Variants in HOXB9 observed in about 807,000 individuals in gnomAD.
HOXB9 encodes the protein homeobox B9.
HOXB9 carries 10 observed loss-of-function variants against 21.5 expected under a neutral mutation model. That is an observed-to-expected ratio of 0.47 (90% CI 0.29 to 0.79). HOXB9 has a LOEUF of 0.79. HOXB9 is among the 30% of genes least tolerant of loss of function. The probability of loss-of-function intolerance (pLI) is 0.10; values close to 1 mark genes in which losing one functional copy is unlikely to be tolerated. For synonymous variants in HOXB9, 156 were observed against 151.2 expected (o/e 1.03, Z -0.23); for missense variants, 375 against 338.7 (o/e 1.11, Z -0.84).
chr17:48,623,753 A>G (rs980435128), intron 1 of HOXB9, among the ~76,000 whole-genome samples: 1 of 152,178 alleles, frequency 6.6e-6, no homozygotes, highest in Non-Finnish European at 1.5e-5. Flanking sequence ...ATGGGTCTGC[A>G]CTTAGAGCCA....
intron 1 of HOXB9, among the ~76,000 whole-genome samples, chr17:48,624,586 C>T (rs2145010510): frequency 6.6e-6 from 1 of 152,166 alleles, no homozygotes; most frequent in Admixed American, 6.5e-5. Flanking sequence ...CTAAAGGGCC[C>T]TGGGGCCACT....
chr17:48,625,123 G>A (rs2070801065), intron 1 of HOXB9, among the ~76,000 whole-genome samples: 1 of 152,250 alleles, frequency 6.6e-6, no homozygotes, highest in African/African-American at 2.4e-5. Context: ...TCCGGGGAGG[G>A]GGCTCAGTCA....
At chr17:48,623,215 C>T (rs1453729126) in intron 1 of HOXB9, 80 bp from the exon 2 acceptor site, 2 of 1,120,476 alleles carry the variant, frequency 1.8e-6, no homozygotes, top group African/African-American at 1.6e-5. Flanking sequence ...CCTTGGTCTC[C>T]ACTCCCCATC....
rs1164640901 is a variant in HOXB9 at position 48,626,124 on chromosome 17, G to A, written c.146C>T (p.Ser49Leu). 1 of 1,588,076 alleles carries A rather than the reference G, an allele frequency of 6.3e-7. No individual in the cohort carries two copies. The highest frequency in any genetic ancestry group is 8.5e-7 in the Non-Finnish European group (1 of 1,173,850). ...PGHAEHLEFP[S>L]CSFQPKAPVF... ...CGGCGCTTTGGGCTGGAAGCTGCAC[G>A]AGGGGAACTCCAGGTGCTCCGCGTG... Residue 49 changes from serine to leucine, a missense_variant, in exon 1 of 2, where the codon TCG becomes TTG. Transcript: ENST00000311177.
At chr17:48,623,577 T>C (rs1476915645) in intron 1 of HOXB9, among the ~76,000 whole-genome samples, 1 of 152,156 alleles carries the variant, frequency 6.6e-6, no homozygotes, top group Non-Finnish European at 1.5e-5. Flanking sequence ...GTTCAGTCAC[T>C]GCATTTGGGG....
chr17:48,625,847 C>G lies in HOXB9; in HGVS notation c.423G>C (p.Ser141=), dbSNP rs140581237. 3.2e-5 allele frequency: 52 copies of G among 1,611,960 alleles called. No individual in the cohort carries two copies. The highest frequency in any genetic ancestry group is 4.3e-5 in the Non-Finnish European group (51 of 1,179,352). The change falls in exon 1 of 2, where the codon TCG becomes TCC. Residue 141 remains serine (S), a synonymous_variant. Coordinates refer to ENST00000311177, the MANE Select transcript of HOXB9 (RefSeq NM_024017.5). ...TAGACAGCACGGCCTCCCTGCCCGC[C>G]GAAGTTTCCAAACTGTACTCGGGCG... ...QGTPEYSLET[S]AGREAVLSNQ...
Position 48,622,867 on chromosome 17 carries a change from G to A in HOXB9, c.*33C>T. ...ACATAACTAAGAGTGAGATGGGGAA[G>A]AGCTAGGGAGGACTGGGGGTAATCT... On this transcript the variant is annotated 3_prime_UTR_variant, in exon 2 of 2. Coordinates refer to ENST00000311177, the MANE Select transcript of HOXB9 (RefSeq NM_024017.5). The A allele has an allele frequency of 6.7e-7, 1 of 1,494,518 alleles. No homozygotes were observed. Among genetic ancestry groups the A allele is most frequent in the Non-Finnish European group, 9.3e-7 (1 of 1,073,642 alleles). 92.6% of individuals were successfully genotyped at this position (1,494,518 alleles called of 1,614,324 possible).
chr17:48,621,512 C>T lies in HOXB9; in HGVS notation c.*1388G>A, dbSNP rs994453572. On this transcript the variant is annotated 3_prime_UTR_variant, in exon 2 of 2. Coordinates refer to ENST00000311177, the MANE Select transcript of HOXB9 (RefSeq NM_024017.5). ...GCTTAGGTGCCATTTTGCCCCTTTCCTTTGCACGCGGGACTGTTTCCCAGA... is the reference window on the plus strand; with the variant it reads ...GCTTAGGTGCCATTTTGCCCCTTTCTTTTGCACGCGGGACTGTTTCCCAGA... The T allele has an allele frequency of 6.6e-6, 1 of 152,338 alleles. No homozygotes were observed. Among genetic ancestry groups the T allele is most frequent in the African/African-American group, 2.4e-5 (1 of 41,456 alleles). The allele number at this position is 152,338 out of a possible 1,614,324, so 9.4% of individuals were successfully genotyped here. A position where few individuals can be genotyped will look rare whatever the true frequency, so the allele number is the denominator to read the frequency against.
At position 48,623,126 on chromosome 17, in the gene HOXB9, G is replaced by A. The variant is rs2070784920; in HGVS notation, c.527C>T (p.Ser176Phe). The change falls in exon 2 of 2, where the codon TCC becomes TTC. Residue 176 changes from serine (S) to phenylalanine (F), a missense_variant. Physicochemically the swap from Ser to Phe is radical, Grantham distance 155 (BLOSUM62 -2). Transcript: ENST00000311177. ...DKERPDQTNPSANWLHARSSR... is the reference protein window; with the variant it reads ...DKERPDQTNPFANWLHARSSR... ...AGAGCGAGCGTGCAGCCAGTTGGCG[G>A]AGGGGTTGGCTGAAAGAGAAGCAGC... is the stretch of plus-strand genomic sequence containing the variant. The A allele has an allele frequency of 1.2e-6, 2 of 1,613,130 alleles. No individual in the cohort carries two copies. The highest frequency in any genetic ancestry group is 1.7e-6 in the Non-Finnish European group (2 of 1,179,630).
chr17:48,623,712 TC>T (rs1341825018), intron 1 of HOXB9, among the ~76,000 whole-genome samples: 1 of 151,246 alleles, frequency 6.6e-6, no homozygotes, highest in African/African-American at 2.4e-5. Context: ...CGTAGAAATC[TC>T]CCCCCCTGCC....
At chr17:48,624,265 T>C (rs1401964792) in intron 1 of HOXB9, among the ~76,000 whole-genome samples, 1 of 152,180 alleles carries the variant, frequency 6.6e-6, no homozygotes, top group African/African-American at 2.4e-5. Flanking sequence ...CTAAGTACCG[T>C]GTCTTACCAA....
chr17:48,626,122 A>C lies in HOXB9; in HGVS notation c.148T>G (p.Cys50Gly), dbSNP rs1250451639. Reference protein sequence around the residue: ...GHAEHLEFPSCSFQPKAPVFG... With the variant: ...GHAEHLEFPSGSFQPKAPVFG... ...ACCGGCGCTTTGGGCTGGAAGCTGCACGAGGGGAACTCCAGGTGCTCCGCG... is the reference window on the plus strand; with the variant it reads ...ACCGGCGCTTTGGGCTGGAAGCTGCCCGAGGGGAACTCCAGGTGCTCCGCG... Residue 50 changes from cysteine (C) to glycine (G), a missense_variant, in exon 1 of 2, where the codon TGC becomes GGC. Cys to Gly is a radical substitution (Grantham distance 159). Transcript: ENST00000311177. 6.3e-7 allele frequency: 1 copy of C among 1,586,968 alleles called. No homozygotes were observed.
chr17:48,625,890 T>C lies in HOXB9; in HGVS notation c.380A>G (p.Glu127Gly). Residue 127 changes from glutamate (E) to glycine (G), a missense_variant, in exon 1 of 2, where the codon GAG (glutamate) becomes GGG (glycine). Transcript: ENST00000311177. ...KAEPLLGAPG[E>G]LLKQGTPEYS... ...CTCGGGCGTGCCCTGTTTGAGCAGC[T>C]CCCCAGGCGCGCCCAGCAGCGGCTC... 1.9e-6 allele frequency: 3 copies of C among 1,599,042 alleles called. No homozygotes were observed. Among genetic ancestry groups the C allele is most frequent in the Non-Finnish European group, 2.6e-6 (3 of 1,174,790 alleles).
At chr17:48,623,925 T>A (rs927216292) in intron 1 of HOXB9, among the ~76,000 whole-genome samples, 1 of 152,126 alleles carries the variant, frequency 6.6e-6, no homozygotes, top group Admixed American at 6.5e-5. Context: ...TTAACGCAAG[T>A]GCAGGGAAAT....
At chr17:48,623,589 G>A (rs2070788527) in intron 1 of HOXB9, among the ~76,000 whole-genome samples, 1 of 152,134 alleles carries the variant, frequency 6.6e-6, no homozygotes, top group Non-Finnish European at 1.5e-5. Context: ...CATTTGGGGT[G>A]TCACTTCACC....
At chr17:48,625,693 C>G in intron 1 of HOXB9, 60 bp downstream of exon 1, 3 of 1,436,658 alleles carry the variant, frequency 2.1e-6, no homozygotes, top group Non-Finnish European at 2.7e-6. Flanking sequence ...TATTGCCTTT[C>G]CCCTCCCCGC....
chr17:48,621,960 G>C lies in HOXB9; in HGVS notation c.*940C>G, dbSNP rs1391158252. On this transcript the variant is annotated 3_prime_UTR_variant, in exon 2 of 2. Coordinates refer to ENST00000311177, the MANE Select transcript of HOXB9 (RefSeq NM_024017.5). ...GGAGGGTGCGGAAGAATGCAGGGCC[G>C]GTCGAGAGCAAGAGAAGCTACAGTC... is the stretch of plus-strand genomic sequence containing the variant. The C allele has an allele frequency of 6.6e-6, 1 of 152,278 alleles. No homozygotes were observed. The highest frequency in any genetic ancestry group is 1.9e-4 in the East Asian group (1 of 5,204). 9.4% of individuals were successfully genotyped at this position (152,278 alleles called of 1,614,324 possible).
At chr17:48,624,627 G>A (rs1445984572) in intron 1 of HOXB9, among the ~76,000 whole-genome samples, 2 of 152,174 alleles carry the variant, frequency 1.3e-5, no homozygotes, top group Non-Finnish European at 1.5e-5. Flanking sequence ...AGGGCAAGGA[G>A]AGACTAAAAC....
chr17:48,625,863 T>C lies in HOXB9; in HGVS notation c.407A>G (p.Tyr136Cys), dbSNP rs766835395. 9 of 1,611,532 alleles carry C rather than the reference T, an allele frequency of 5.6e-6. No homozygotes were observed. The South Asian group carries it at 7.7e-5, about 14-fold the overall frequency. The part of the protein sequence containing the change: ...GELLKQGTPE[Y>C]SLETSAGREA... ...CCTGCCCGCCGAAGTTTCCAAACTGTACTCGGGCGTGCCCTGTTTGAGCAG... is the reference window on the plus strand; with the variant it reads ...CCTGCCCGCCGAAGTTTCCAAACTGCACTCGGGCGTGCCCTGTTTGAGCAG... The change falls in exon 1 of 2, where the codon TAC becomes TGC. Residue 136 changes from tyrosine (Y) to cysteine (C), a missense_variant. Coordinates refer to ENST00000311177, the MANE Select transcript of HOXB9 (RefSeq NM_024017.5).
Sources: gnomAD v4.1 joint callset for allele counts (sites outside exome capture counted in the v4.1 genomes callset) on GRCh38, gnomAD v4.1.1 for gene constraint, MANE v1.5 for transcripts, NCBI Gene and HGNC (gene_info 2026-07-23, HGNC 2026-07-21) for gene names.